SHANK2: variants seen among roughly 807,000 people sequenced by gnomAD.
SHANK2 encodes SH3 and multiple ankyrin repeat domains protein 2.
In SHANK2, 43 loss-of-function variants were observed where a neutral mutation model predicts 133.7. The observed-to-expected ratio is 0.32, with a 90% CI of 0.25 to 0.41. The LOEUF (loss-of-function observed/expected upper bound fraction) is 0.41. SHANK2 is among the 10% of genes least tolerant of loss of function. The pLI is 1.00. For missense variants in SHANK2, 1,994 were observed against 2,235.8 expected (o/e 0.89, Z 2.18); for synonymous variants, 1,017 against 952.8 (o/e 1.07, Z -1.24).
intron 11 of SHANK2, among the ~76,000 whole-genome samples, chr11:70,867,640 T>A (rs782534995): frequency 6.6e-6 from 1 of 152,236 alleles, no homozygotes; most frequent in Non-Finnish European, 1.5e-5. Flanking sequence ...TATAGATTTG[T>A]ATTCATTACC....
intron 11 of SHANK2, among the ~76,000 whole-genome samples, chr11:70,875,748 G>T (rs186922972): frequency 9.7e-4 from 148 of 152,120 alleles, no homozygotes; most frequent in African/African-American, 3.2e-3. Context: ...CCAGCTACTT[G>T]GGGGGCTGAA....
chr11:70,519,255 T>C (rs1284220785), intron 17 of SHANK2, among the ~76,000 whole-genome samples: 1 of 152,190 alleles, frequency 6.6e-6, no homozygotes, highest in East Asian at 1.9e-4. Context: ...TGGATGACTC[T>C]GAGGCACAGT....
At position 71,075,198 on chromosome 11, in the gene SHANK2, C is replaced by T. The variant is rs910028119; in HGVS notation, c.990G>A (p.Ser330=). 55 of 257,036 alleles carry T rather than the reference C, an allele frequency of 2.1e-4. No homozygotes were observed. Among genetic ancestry groups the T allele is most frequent in the African/African-American group, 1.2e-3 (51 of 44,012 alleles). The allele number at this position is 257,036 out of a possible 1,614,324, so 15.9% of individuals were successfully genotyped here. A position where few individuals can be genotyped will look rare whatever the true frequency, so the allele number is the denominator to read the frequency against. Residue 330 remains serine, a synonymous_variant, in exon 9 of 26, where the codon TCG becomes TCA. Coordinates refer to ENST00000601538, the MANE Select transcript of SHANK2 (RefSeq NM_012309.5). Reference sequence around the variant, plus strand: ...CGCAGATGTGCAAGGCCGTGTTCCCCGAGGCATTCTGGGCACTCATGTCTG... The same window carrying T: ...CGCAGATGTGCAAGGCCGTGTTCCCTGAGGCATTCTGGGCACTCATGTCTG... ...YGADMSAQNA[S]GNTALHICAL...
At chr11:70,675,670 G>A (rs1425492684) in intron 15 of SHANK2, among the ~76,000 whole-genome samples, 1 of 152,190 alleles carries the variant, frequency 6.6e-6, no homozygotes, top group Non-Finnish European at 1.5e-5. Flanking sequence ...TTACTGTCCT[G>A]CCAGTATCTG....
At chr11:70,614,712 G>A (rs991927694) in intron 17 of SHANK2, among the ~76,000 whole-genome samples, 3 of 152,232 alleles carry the variant, frequency 2.0e-5, no homozygotes, top group Non-Finnish European at 4.4e-5. Context: ...TGACCAAATA[G>A]GCCTTGGGTC....
intron 17 of SHANK2, among the ~76,000 whole-genome samples, chr11:70,636,359 A>T (rs977990077): frequency 1.7e-4 from 25 of 148,534 alleles, no homozygotes; most frequent in African/African-American, 5.4e-4. Context: ...GTACATGTGC[A>T]TATGTGTGTA....
intron 15 of SHANK2, among the ~76,000 whole-genome samples, chr11:70,695,571 G>GTTCCCT (rs1555022057): frequency 1.3e-5 from 2 of 152,200 alleles, no homozygotes; most frequent in Non-Finnish European, 2.9e-5. Flanking sequence ...CTGGCTTTGG[G>GTTCCCT]CAGTACCATC....
intron 10 of SHANK2, among the ~76,000 whole-genome samples, chr11:70,946,269 C>T (rs1236937206): frequency 1.4e-5 from 2 of 146,692 alleles, no homozygotes; most frequent in Admixed American, 6.8e-5. Context: ...CAGGCTCAAC[C>T]TCCCTCTCCA....
In SHANK2 at chr11:71,100,046, CAA is replaced by C. The variant is rs55637618; in HGVS notation, c.593-5360_593-5359del. Among the ~76,000 whole-genome samples, 266 of 100,694 alleles carry C rather than the reference CAA, an allele frequency of 2.6e-3. 1 individual carries two copies. Among genetic ancestry groups the C allele is most frequent in the African/African-American group, 6.1e-3 (176 of 28,834 alleles). The allele number at this position is 100,694 out of a possible 152,430, so 66.1% of individuals were successfully genotyped here. A position where few individuals can be genotyped will look rare whatever the true frequency, so the allele number is the denominator to read the frequency against. On this transcript the variant is annotated intron_variant, in intron 6 of 25. Coordinates refer to ENST00000601538, the MANE Select transcript of SHANK2 (RefSeq NM_012309.5). ...CCTGGGAGACAGAGTAAGACCATGTCAAAAAAAAAAAAAAAAAGACACCTCAA... is the reference window on the plus strand; with the variant it reads ...CCTGGGAGACAGAGTAAGACCATGTCAAAAAAAAAAAAAAAGACACCTCAA...
intron 14 of SHANK2, among the ~76,000 whole-genome samples, chr11:70,715,865 G>C (rs1233291114): frequency 6.6e-6 from 1 of 152,182 alleles, no homozygotes; most frequent in Non-Finnish European, 1.5e-5. Flanking sequence ...GTCGCCAGTG[G>C]GGAGGAGGGG....
intron 3 of SHANK2, among the ~76,000 whole-genome samples, chr11:71,139,492 T>C (rs1346707386): frequency 6.6e-6 from 1 of 151,856 alleles, no homozygotes. Flanking sequence ...CCCTAAAACT[T>C]AAAGTATAAT....
intron 17 of SHANK2, among the ~76,000 whole-genome samples, chr11:70,528,393 G>T (rs1453514951): frequency 6.6e-6 from 1 of 152,192 alleles, no homozygotes; most frequent in Non-Finnish European, 1.5e-5. Context: ...GTGCCACCTG[G>T]TGGCCATGGG....
chr11:71,200,657 G>A (rs192310565), intron 2 of SHANK2, among the ~76,000 whole-genome samples: 46 of 151,782 alleles, frequency 3.0e-4, no homozygotes, highest in African/African-American at 7.7e-4. Context: ...CTTCCTCAGC[G>A]GCAGCCACAT....
intron 12 of SHANK2, among the ~76,000 whole-genome samples, chr11:70,813,831 C>G (rs1362120116): frequency 1.3e-5 from 2 of 152,200 alleles, no homozygotes; most frequent in Non-Finnish European, 2.9e-5. Context: ...CGCACCCAAG[C>G]CCTGTGCGTC....
rs1453784236 is a variant in SHANK2 at position 70,804,712 on chromosome 11, A to C, written c.1663+2290T>G. Among the ~76,000 whole-genome samples the C allele has an allele frequency of 6.6e-6, 1 of 152,202 alleles. No individual in the cohort carries two copies. Among genetic ancestry groups the C allele is most frequent in the African/African-American group, 2.4e-5 (1 of 41,458 alleles). On this transcript the variant is annotated intron_variant, in intron 13 of 25. Coordinates refer to ENST00000601538, the MANE Select transcript of SHANK2 (RefSeq NM_012309.5). This position sits in a 1 kb window ranked among gnomAD's most constrained non-coding sequence, Gnocchi z 4.1. ...TTCTATCAAACCCAGGGAGTTGGAC[A>C]GGGGAAGGCCCCCCCAGAGCTTCTG... is the stretch of plus-strand genomic sequence containing the variant.
intron 14 of SHANK2, among the ~76,000 whole-genome samples, chr11:70,744,111 G>A (rs781843207): frequency 2.0e-5 from 3 of 152,210 alleles, no homozygotes; most frequent in Non-Finnish European, 2.9e-5. Flanking sequence ...GCAGGCCCCT[G>A]CCTCCTACCC....
At chr11:70,582,365 T>C (rs575202842) in intron 17 of SHANK2, among the ~76,000 whole-genome samples, 5 of 152,332 alleles carry the variant, frequency 3.3e-5, no homozygotes, top group Admixed American at 1.3e-4. Context: ...AATTAGCTCA[T>C]GCACACATCT....
intron 15 of SHANK2, among the ~76,000 whole-genome samples, chr11:70,685,517 T>A (rs115959665): frequency 9.5e-4 from 145 of 151,956 alleles, no homozygotes; most frequent in African/African-American, 3.3e-3. Flanking sequence ...GGCCTGGGAG[T>A]GCAGCCTCTA....
intron 15 of SHANK2, among the ~76,000 whole-genome samples, chr11:70,691,552 T>C (rs371563546): frequency 3.3e-5 from 5 of 152,268 alleles, no homozygotes; most frequent in African/African-American, 1.2e-4. Context: ...GAAATACCTC[T>C]CTGTTTCAAA....
Sources: gnomAD v4.1 joint callset for allele counts (sites outside exome capture counted in the v4.1 genomes callset) on GRCh38, gnomAD v4.1.1 for gene constraint, Gnocchi (gnomAD v3.1) non-coding constraint, MANE v1.5 for transcripts, NCBI Gene and HGNC (gene_info 2026-07-23, HGNC 2026-07-21) for gene names.